VPS16: variants seen among roughly 807,000 people sequenced by gnomAD.
VPS16 encodes the protein VPS16 core subunit of CORVET and HOPS complexes.
A neutral mutation model predicts 116.0 loss-of-function variants in VPS16; 82 were observed. The observed-to-expected ratio is 0.71, with a 90% confidence interval of 0.59 to 0.85. VPS16 has a LOEUF of 0.85. Among genes scored for constraint, VPS16 ranks in the 40% least tolerant of loss-of-function variants. The pLI is 0.00. For missense variants in VPS16, 928 were observed against 1,090.6 expected, an observed-to-expected ratio of 0.85 and a Z score of 2.10; for synonymous variants, 406 against 420.7, an observed-to-expected ratio of 0.96 and a Z score of 0.43.
At position 2,842,674 on chromosome 20, in the gene VPS16, A is replaced by ATC. The variant is rs1387171692; in HGVS notation, c.53+1848_53+1849insCT. On this transcript the variant is annotated intron_variant, in intron 1 of 23. Transcript: ENST00000380445. ...TATAGATAGATATATAGATGTATCT[A>ATC]TATATATATAGATACATCTAGATGT... 1.9e-3 allele frequency among the ~76,000 whole-genome samples: 270 copies of ATC among 139,058 alleles called. 22 individuals carry two copies. The highest frequency in any genetic ancestry group is 6.7e-3 in the African/African-American group (225 of 33,452). The allele number at this position is 139,058 out of a possible 152,430, so 91.2% of individuals were successfully genotyped here.
chr20:2,855,517 G>C (rs1413344444), intron 1 of VPS16, among the ~76,000 whole-genome samples: 1 of 152,132 alleles, frequency 6.6e-6, no homozygotes, highest in Non-Finnish European at 1.5e-5. Context: ...TGTCAGCCCT[G>C]TCCTTACACG....
At chr20:2,862,309 T>C in intron 11 of VPS16, 179 bp downstream of exon 11, 4 of 957,014 alleles carry the variant, frequency 4.2e-6, no homozygotes, top group Non-Finnish European at 6.1e-6. Context: ...TGTGGTGTGA[T>C]AGGGACGGGC....
chr20:2,842,639 G>C (rs1041106599), intron 1 of VPS16, among the ~76,000 whole-genome samples: 1 of 96,882 alleles, frequency 1.0e-5, no homozygotes, highest in Non-Finnish European at 2.1e-5. Context: ...TCTATCTATA[G>C]ATAGATAGAT....
At position 2,865,597 on chromosome 20, in the gene VPS16, T is replaced by C. The variant is rs1235394135; in HGVS notation, c.2271+102T>C. 6 of 1,074,778 alleles carry C rather than the reference T, an allele frequency of 5.6e-6. No individual in the cohort carries two copies. The highest frequency in any genetic ancestry group is 8.0e-6 in the Non-Finnish European group (6 of 745,592). 66.6% of individuals were successfully genotyped at this position (1,074,778 alleles called of 1,614,324 possible). A position where few individuals can be genotyped will look rare whatever the true frequency, so the allele number is the denominator to read the frequency against. On this transcript the variant is annotated intron_variant, in intron 22 of 23. Coordinates refer to ENST00000380445, the MANE Select transcript of VPS16 (RefSeq NM_022575.4). This position sits in a 1 kb window ranked among gnomAD's most constrained non-coding sequence, Gnocchi z 5.2. ...TAGGATGGCCCGTTCATGCTCCTGTTCAGCTGCCCGCATAGTTAGCGAGTG... is the reference window on the plus strand; with the variant it reads ...TAGGATGGCCCGTTCATGCTCCTGTCCAGCTGCCCGCATAGTTAGCGAGTG...
intron 1 of VPS16, among the ~76,000 whole-genome samples, chr20:2,858,825 A>C (rs959309930): frequency 6.6e-6 from 1 of 152,176 alleles, no homozygotes; most frequent in Non-Finnish European, 1.5e-5. Context: ...TGCCTGCCAT[A>C]AGCCAAGCAT....
At chr20:2,843,364 G>A (rs1192250521) in intron 1 of VPS16, among the ~76,000 whole-genome samples, 4 of 152,078 alleles carry the variant, frequency 2.6e-5, no homozygotes, top group South Asian at 2.1e-4. Flanking sequence ...CCTGGGAGGC[G>A]GAGGTTGCGG....
chr20:2,865,444 G>A lies in VPS16; in HGVS notation c.2220G>A (p.Trp740Ter), dbSNP rs1210584440. The A allele has an allele frequency of 6.2e-7, 1 of 1,614,176 alleles. No homozygotes were observed. Among genetic ancestry groups the A allele is most frequent in the Non-Finnish European group, 8.5e-7 (1 of 1,180,030 alleles). The change falls in exon 22 of 24, where the codon TGG becomes TGA. Residue 740 changes from tryptophan (W) to a stop codon, truncating the protein, a stop_gained. Coordinates refer to ENST00000380445, the MANE Select transcript of VPS16 (RefSeq NM_022575.4). LOFTEE classifies it high-confidence loss of function. This position sits in a 1 kb window ranked among gnomAD's most constrained non-coding sequence, Gnocchi z 5.2. Reference sequence around the variant, plus strand: ...CTGCCCTGGCAGATTTGGAAGATTGGGAAGAGCTAGAGAAGTTTTCCAAGA... The same window carrying A: ...CTGCCCTGGCAGATTTGGAAGATTGAGAAGAGCTAGAGAAGTTTTCCAAGA... Reference protein sequence around the residue: ...KLTALADLEDWEELEKFSKSK... With the variant: ...KLTALADLED
chr20:2,858,513 G>A (rs2089197095), intron 1 of VPS16, among the ~76,000 whole-genome samples: 2 of 151,858 alleles, frequency 1.3e-5, no homozygotes, highest in Admixed American at 6.5e-5. Context: ...AATTATGTTG[G>A]CTAGAACCAC....
chr20:2,861,103 G>A lies in VPS16; in HGVS notation c.753+11G>A, dbSNP rs770157144. On this transcript the variant is annotated intron_variant, in intron 7 of 23. Transcript: ENST00000380445. ...ACAGCATCACTCAAGGTATGATCCT[G>A]GGGCAACACAGGGGTACTGTGCCTT... 3 of 1,614,168 alleles carry A rather than the reference G, an allele frequency of 1.9e-6. No homozygotes were observed. In the African/African-American group the frequency reaches 4.0e-5, roughly 22 times the overall value.
chr20:2,854,238 T>TACACAAACACACACACACACACACAC (rs2089149244), intron 1 of VPS16, among the ~76,000 whole-genome samples: 4 of 139,806 alleles, frequency 2.9e-5, no homozygotes, highest in Non-Finnish European at 6.1e-5. Flanking sequence ...ACCCCGTCTC[T>TACACAAACACACACACACACACACAC]ACACACACAC....
At chr20:2,861,959 G>T (rs1259634441) in intron 10 of VPS16, 60 bp downstream of exon 10, 1 of 1,605,446 alleles carries the variant, frequency 6.2e-7, no homozygotes, top group Non-Finnish European at 8.5e-7. Context: ...CACCCCAGCT[G>T]CCCTGGGCCA....
Position 2,840,871 on chromosome 20 carries a change from T to C in VPS16, c.53+44T>C, listed in dbSNP as rs749253507. ...CCGCCCACGGCCTGGCTTACCCTGC[T>C]CGCCCGCCGGCTGGAGTCTCCCGGC... On this transcript the variant is annotated intron_variant, in intron 1 of 23. Transcript: ENST00000380445. 1.0e-5 allele frequency: 14 copies of C among 1,356,966 alleles called. No homozygotes were observed. The South Asian group carries it at 1.6e-4, about 16-fold the overall frequency. The allele number at this position is 1,356,966 out of a possible 1,614,324, so 84.1% of individuals were successfully genotyped here. A position where few individuals can be genotyped will look rare whatever the true frequency, so the allele number is the denominator to read the frequency against.
chr20:2,860,312 C>G lies in VPS16; in HGVS notation c.314C>G (p.Ala105Gly). The G allele has an allele frequency of 3.7e-6, 6 of 1,614,102 alleles. No individual in the cohort carries two copies. Among genetic ancestry groups the G allele is most frequent in the Non-Finnish European group, 4.2e-6 (5 of 1,180,024 alleles). The change falls in exon 4 of 24, where the codon GCT (alanine) becomes GGT (glycine). Residue 105 changes from alanine to glycine, a missense_variant. By Grantham distance (60) the Ala-to-Gly change is moderately conservative (BLOSUM62 0). Transcript: ENST00000380445. The surrounding 1 kb of genome is among the most constrained non-coding windows in gnomAD (Gnocchi z 6.1). The stretch of plus-strand genomic sequence containing the variant: ...CTGCTCTGTGTGCAGGAAGATGGTG[C>G]TGTACTGGTTTATGGGCTTCATGGT... The part of the protein sequence containing the change: ...EELLCVQEDG[A>G]VLVYGLHGDF...
chr20:2,849,140 C>T (rs376055951), intron 1 of VPS16, among the ~76,000 whole-genome samples: 12 of 152,228 alleles, frequency 7.9e-5, no homozygotes, highest in African/African-American at 2.9e-4. Context: ...CCAGATATCC[C>T]TCTTCCAAGT....
At position 2,862,815 on chromosome 20, in the gene VPS16, C is replaced by T. The variant is rs753831774; in HGVS notation, c.1212C>T (p.Ser404=). Residue 404 remains serine (S), a synonymous_variant, in exon 13 of 24, where the codon TCC becomes TCT. Transcript: ENST00000380445. ...DMQKSLLRAA[S]FGKCFLDRFP... ...CCTCTGGCTCTTCTCAGGCCGCCTC[C>T]TTCGGAAAGTGTTTCCTGGACAGAT... is the stretch of plus-strand genomic sequence containing the variant. 7 of 1,614,058 alleles carry T rather than the reference C, an allele frequency of 4.3e-6. No individual in the cohort carries two copies. The East Asian group carries it at 1.6e-4, about 36-fold the overall frequency.
rs750821816 is a variant in VPS16, at chr20:2,863,391, G to C, written c.1469G>C (p.Cys490Ser). 11 of 1,614,012 alleles carry C rather than the reference G, an allele frequency of 6.8e-6. No homozygotes were observed. The highest frequency in any genetic ancestry group is 1.3e-5 in the African/African-American group (1 of 74,944). The change falls in exon 15 of 24, where the codon TGC becomes TCC. Residue 490 changes from cysteine to serine, a missense_variant. By Grantham distance (112) the Cys-to-Ser change is moderately radical. Coordinates refer to ENST00000380445, the MANE Select transcript of VPS16 (RefSeq NM_022575.4). This position sits in a 1 kb window ranked among gnomAD's most constrained non-coding sequence, Gnocchi z 4.4. The stretch of plus-strand genomic sequence containing the variant: ...AGCAGGATCCTGGCCCACTGGGCCT[G>C]CTACAAGGCAAGGATGTGGGATGGG... ...GVSRILAHWA[C>S]YKVQQKDVSD...
At chr20:2,859,591 G>A (rs745469913) in intron 1 of VPS16, 128 bp from the exon 2 acceptor site, 24 of 1,067,280 alleles carry the variant, frequency 2.2e-5, no homozygotes, top group Admixed American at 4.2e-5. Context: ...TCCCTCTGGG[G>A]GTAGAGAGTG....
rs765608776 is a variant in VPS16, at chr20:2,863,314, C to A, written c.1392C>A (p.Pro464=). 9 of 1,614,210 alleles carry A rather than the reference C, an allele frequency of 5.6e-6. No homozygotes were observed. The East Asian group carries it at 8.9e-5, about 16-fold the overall frequency. ...GGCTCGTGTTGCGGAGACTTTACCC[C>A]CTGGCCATCCAGATATGCGAGTACT... ...LDRLVLRRLY[P]LAIQICEYLR... is the part of the protein sequence containing the mutation. Residue 464 remains proline, a synonymous_variant, in exon 15 of 24, where the codon CCC becomes CCA. Transcript: ENST00000380445. The surrounding 1 kb of genome is among the most constrained non-coding windows in gnomAD (Gnocchi z 4.4).
chr20:2,859,063 C>T (rs1011242626), intron 1 of VPS16, among the ~76,000 whole-genome samples: 4 of 152,100 alleles, frequency 2.6e-5, no homozygotes, highest in African/African-American at 7.2e-5. Context: ...CTTTGGAGGC[C>T]AGGGTAGGAG....
Sources: allele counts gnomAD v4.1 joint callset (sites outside exome capture counted in the v4.1 genomes callset), GRCh38; gene constraint gnomAD v4.1.1; non-coding constraint Gnocchi (gnomAD v3.1); transcripts MANE v1.5; gene names NCBI Gene and HGNC (gene_info 2026-07-23, HGNC 2026-07-21).